Variants in SNTB2 observed in about 807,000 individuals in gnomAD.
SNTB2 encodes the protein syntrophin beta 2, also known as beta-2-syntrophin.
Under a neutral mutation model 46.2 loss-of-function variants are expected in SNTB2, and 34 were observed. The ratio of observed to expected loss-of-function variants is 0.74; its 90% CI spans 0.56 to 0.98. The LOEUF is 0.98. SNTB2 is among the 50% of genes least tolerant of loss of function. SNTB2 has a pLI of 0.00. For missense variants in SNTB2, 603 were observed against 731.4 expected (o/e 0.82, Z 2.02); for synonymous variants, 290 against 312.6 (o/e 0.93, Z 0.76).
chr16:69,299,446 C>T, intron 5 of SNTB2, 144 bp from the exon 6 acceptor site: 1 of 823,714 alleles, frequency 1.2e-6, no homozygotes, highest in Non-Finnish European at 1.9e-6. Context: ...TAGCACAAAA[C>T]ACACTTTAGA....
At chr16:69,207,883 G>T (rs1016998293) in intron 1 of SNTB2, among the ~76,000 whole-genome samples, 1 of 151,866 alleles carries the variant, frequency 6.6e-6, no homozygotes, top group African/African-American at 2.4e-5. Context: ...TGAGGCAGGC[G>T]GATCACCTGA....
Position 69,187,622 on chromosome 16 carries a change from C to G in SNTB2, c.456C>G (p.Asp152Glu). The G allele has an allele frequency of 6.4e-7, 1 of 1,557,934 alleles. No individual in the cohort carries two copies. Among genetic ancestry groups the G allele is most frequent in the Non-Finnish European group, 8.6e-7 (1 of 1,156,840 alleles). Reference protein sequence around the residue: ...ISKIFPGLAADQSRALRLGDA... With the variant: ...ISKIFPGLAAEQSRALRLGDA... Reference sequence around the variant, plus strand: ...AGATCTTCCCCGGGCTGGCTGCCGACCAGAGCCGGGCGCTGCGGCTGGGCG... The same window carrying G: ...AGATCTTCCCCGGGCTGGCTGCCGAGCAGAGCCGGGCGCTGCGGCTGGGCG... The change falls in exon 1 of 7, where the codon GAC (aspartate) becomes GAG (glutamate). Residue 152 changes from aspartate to glutamate, a missense_variant. Around this residue, in one of 2 missense-constraint regions of SNTB2, gnomAD observed 537 missense variants for 692.4 expected, o/e 0.78. Coordinates refer to ENST00000336278, the MANE Select transcript of SNTB2 (RefSeq NM_006750.4).
At chr16:69,227,318 A>G (rs1964468585) in intron 1 of SNTB2, among the ~76,000 whole-genome samples, 1 of 152,196 alleles carries the variant, frequency 6.6e-6, no homozygotes, top group African/African-American at 2.4e-5. Flanking sequence ...TGCACTGACA[A>G]TTTTTGACCA....
intron 1 of SNTB2, among the ~76,000 whole-genome samples, chr16:69,189,741 C>G (rs879163674): frequency 6.6e-6 from 1 of 152,196 alleles, no homozygotes; most frequent in African/African-American, 2.4e-5. Context: ...CAGAGCAAGA[C>G]TCCATCTCAA....
intron 5 of SNTB2, among the ~76,000 whole-genome samples, chr16:69,297,952 T>A (rs1311985453): frequency 6.6e-6 from 1 of 152,052 alleles, no homozygotes; most frequent in African/African-American, 2.4e-5. Context: ...TCTCTCTTTT[T>A]AAAATTGTTT....
chr16:69,253,000 C>T (rs1274609373), intron 2 of SNTB2, among the ~76,000 whole-genome samples: 2 of 150,936 alleles, frequency 1.3e-5, no homozygotes, highest in South Asian at 2.1e-4. Flanking sequence ...CCCGGGTTCA[C>T]GCCATTCTCC....
intron 1 of SNTB2, among the ~76,000 whole-genome samples, chr16:69,204,748 T>G (rs1180047114): frequency 6.6e-6 from 1 of 152,216 alleles, no homozygotes; most frequent in Non-Finnish European, 1.5e-5. Context: ...GCCCCTTCAG[T>G]ACCATCTATC....
chr16:69,255,218 C>T (rs1964761734), intron 2 of SNTB2, among the ~76,000 whole-genome samples: 1 of 152,010 alleles, frequency 6.6e-6, no homozygotes, highest in African/African-American at 2.4e-5. Context: ...CCGCCTCAGC[C>T]TCGCTAGTAG....
chr16:69,191,855 A>G (rs1047201980), intron 1 of SNTB2, among the ~76,000 whole-genome samples: 1 of 152,068 alleles, frequency 6.6e-6, no homozygotes, highest in African/African-American at 2.4e-5. Context: ...GTTAGCCAGG[A>G]TAGTCTCAAT....
intron 1 of SNTB2, chr16:69,240,901 T>A (rs1045659603): frequency 2.6e-5 from 4 of 152,328 alleles, no homozygotes; most frequent in Non-Finnish European, 5.9e-5. Context: ...GCTCTTGTTG[T>A]CCAGGCTGGA....
At chr16:69,294,361 A>G (rs1965203022) in intron 5 of SNTB2, among the ~76,000 whole-genome samples, 1 of 150,374 alleles carries the variant, frequency 6.7e-6, no homozygotes, top group Non-Finnish European at 1.5e-5. Context: ...TATCATCAGG[A>G]AAAAAAAAAT....
At chr16:69,292,354 T>TTA (rs1166147915) in intron 5 of SNTB2, among the ~76,000 whole-genome samples, 718 of 36,248 alleles carry the variant, frequency 0.02, 41 homozygotes, top group Non-Finnish European at 0.028. Flanking sequence ...ACCTTATTTT[T>TTA]TATATATATA....
intron 1 of SNTB2, among the ~76,000 whole-genome samples, chr16:69,209,918 G>C (rs1964262276): frequency 6.6e-6 from 1 of 151,706 alleles, no homozygotes; most frequent in Non-Finnish European, 1.5e-5. Flanking sequence ...TAAAAGTTTA[G>C]CAAGATAGTG....
intron 3 of SNTB2, among the ~76,000 whole-genome samples, chr16:69,263,966 A>C (rs1341988703): frequency 6.6e-6 from 1 of 151,800 alleles, no homozygotes; most frequent in African/African-American, 2.4e-5. Flanking sequence ...CCTCCCAAAA[A>C]AAAAATTTTT....
intron 1 of SNTB2, among the ~76,000 whole-genome samples, chr16:69,219,815 ATCT>A (rs1253002500): frequency 6.6e-6 from 1 of 151,942 alleles, no homozygotes; most frequent in Non-Finnish European, 1.5e-5. Flanking sequence ...CAGTGGCGCG[ATCT>A]TGGCTCACTG....
At chr16:69,220,412 A>G (rs1191240351) in intron 1 of SNTB2, among the ~76,000 whole-genome samples, 4 of 151,008 alleles carry the variant, frequency 2.6e-5, no homozygotes, top group Non-Finnish European at 5.9e-5. Flanking sequence ...CTCCCGCCTC[A>G]GCCTCCCAAA....
chr16:69,221,808 C>T (rs2152293703), intron 1 of SNTB2, among the ~76,000 whole-genome samples: 1 of 152,228 alleles, frequency 6.6e-6, no homozygotes, highest in East Asian at 1.9e-4. Context: ...CAGTGTAGAA[C>T]AATTCTCTTT....
chr16:69,193,731 G>C (rs1457359632), intron 1 of SNTB2, among the ~76,000 whole-genome samples: 1 of 152,108 alleles, frequency 6.6e-6, no homozygotes, highest in Non-Finnish European at 1.5e-5. Flanking sequence ...TCAAAACACA[G>C]AAACCCATTT....
chr16:69,216,532 A>G (rs1433662372), intron 1 of SNTB2, among the ~76,000 whole-genome samples: 1 of 151,906 alleles, frequency 6.6e-6, no homozygotes, highest in Non-Finnish European at 1.5e-5. Context: ...TTAAAAAAAA[A>G]AAAAAATTAG....
Sources: gnomAD v4.1 joint callset for allele counts (sites outside exome capture counted in the v4.1 genomes callset) on GRCh38, gnomAD v4.1.1 for gene constraint, gnomAD v4.1.1 regional missense constraint, MANE v1.5 for transcripts, NCBI Gene and HGNC (gene_info 2026-07-23, HGNC 2026-07-21) for gene names.